The following IL1RAP variants were observed in gnomAD, a reference collection of about 807,000 sequenced individuals.
IL1RAP encodes interleukin 1 receptor accessory protein.
Under a neutral mutation model 60.7 loss-of-function variants are expected in IL1RAP, and 35 were observed. The observed-to-expected ratio is 0.58, with a 90% CI of 0.44 to 0.76. IL1RAP has a LOEUF of 0.76. IL1RAP is among the 30% of genes least tolerant of loss of function. The pLI, the probability that IL1RAP is intolerant of heterozygous loss-of-function variation, is 0.00. For synonymous variants in IL1RAP, 268 were observed against 250.9 expected, an observed-to-expected ratio of 1.07 and a Z score of -0.64; for missense variants, 572 against 693.9, an observed-to-expected ratio of 0.82 and a Z score of 1.97.
chr3:190,546,921 G>A (rs950373274), intron 1 of IL1RAP, among the ~76,000 whole-genome samples: 6 of 152,174 alleles, frequency 3.9e-5, no homozygotes, highest in African/African-American at 9.7e-5. Context: ...CCCCTTGAAA[G>A]CTTAGGATGT....
intron 3 of IL1RAP, among the ~76,000 whole-genome samples, chr3:190,598,480 A>G (rs374295699): frequency 2.6e-5 from 4 of 152,136 alleles, no homozygotes; most frequent in Non-Finnish European, 5.9e-5. Context: ...TGCCAACTGT[A>G]TTACCTAGTG....
rs989198999 is a variant in IL1RAP at position 190,649,358 on chromosome 3, A to C, written c.*653A>C. 1 of 985,468 alleles carries C rather than the reference A, an allele frequency of 1.0e-6. No homozygotes were observed. Among genetic ancestry groups the C allele is most frequent in the African/African-American group, 1.7e-5 (1 of 57,238 alleles). The allele number at this position is 985,468 out of a possible 1,614,324, so 61.0% of individuals were successfully genotyped here. Reference sequence around the variant, plus strand: ...TATGAAATCTATGTAAACTTGAAAAATATTTCTTAATTTTTGTTTTTGCTC... The same window carrying C: ...TATGAAATCTATGTAAACTTGAAAACTATTTCTTAATTTTTGTTTTTGCTC... On this transcript the variant is annotated 3_prime_UTR_variant, in exon 12 of 12. Transcript: ENST00000447382.
At chr3:190,538,822 G>A (rs1043611426) in intron 1 of IL1RAP, among the ~76,000 whole-genome samples, 7 of 152,014 alleles carry the variant, frequency 4.6e-5, no homozygotes, top group Non-Finnish European at 1.0e-4. Context: ...TAGCAAGTGA[G>A]TTCTCACGAG....
In IL1RAP at chr3:190,649,830, G is replaced by C; in HGVS notation, c.*1125G>C. 1 of 985,312 alleles carries C rather than the reference G, an allele frequency of 1.0e-6. No homozygotes were observed. Among genetic ancestry groups the C allele is most frequent in the Non-Finnish European group, 1.2e-6 (1 of 829,858 alleles). The allele number at this position is 985,312 out of a possible 1,614,324, so 61.0% of individuals were successfully genotyped here. A position where few individuals can be genotyped will look rare whatever the true frequency, so the allele number is the denominator to read the frequency against. On this transcript the variant is annotated 3_prime_UTR_variant, in exon 12 of 12. Coordinates refer to ENST00000447382, the MANE Select transcript of IL1RAP (RefSeq NM_002182.4). ...GTCAGTATGAGAAGTCACTGTCAATGAAAGTTGTTTTGTTTGTTTTCAGTA... is the reference window on the plus strand; with the variant it reads ...GTCAGTATGAGAAGTCACTGTCAATCAAAGTTGTTTTGTTTGTTTTCAGTA...
At chr3:190,656,612 T>C (rs1192260794) in exon 12 of IL1RAP, 29 of 1,470,944 alleles carry the variant, frequency 2.0e-5, no homozygotes, top group Non-Finnish European at 2.5e-5. Flanking sequence ...CTATAATTAC[T>C]GTGTGTGGTG....
At chr3:190,518,007 G>C (rs917318725) in intron 1 of IL1RAP, 1 of 151,394 alleles carries the variant, frequency 6.6e-6, no homozygotes, top group African/African-American at 2.4e-5. Flanking sequence ...AAACACCAAA[G>C]AATAGGAAGG....
intron 9 of IL1RAP, among the ~76,000 whole-genome samples, chr3:190,640,670 A>G (rs1044469002): frequency 6.6e-6 from 1 of 152,186 alleles, no homozygotes. Context: ...AATAAAGATG[A>G]CGGAAATCAC....
At chr3:190,646,904 T>C (rs984750505) in intron 11 of IL1RAP, among the ~76,000 whole-genome samples, 3 of 152,212 alleles carry the variant, frequency 2.0e-5, no homozygotes, top group African/African-American at 7.2e-5. Flanking sequence ...ATGACTTAAT[T>C]ATACAGTTAA....
chr3:190,612,567 A>G (rs536375823), intron 5 of IL1RAP, among the ~76,000 whole-genome samples: 46 of 152,190 alleles, frequency 3.0e-4, no homozygotes, highest in African/African-American at 1.1e-3. Flanking sequence ...CTGTTTCAAT[A>G]TTATTTTTCA....
chr3:190,624,324 C>T (rs1204387114), intron 7 of IL1RAP, among the ~76,000 whole-genome samples: 1 of 152,238 alleles, frequency 6.6e-6, no homozygotes, highest in East Asian at 1.9e-4. Context: ...CCAGGCTTGA[C>T]TGGCATTTGG....
rs570175540 is a variant in IL1RAP at position 190,562,096 on chromosome 3, C to T, written c.-1-2193C>T. 3.9e-5 allele frequency among the ~76,000 whole-genome samples: 6 copies of T among 152,254 alleles called. No individual in the cohort carries two copies. The South Asian group carries it at 1.2e-3, about 32-fold the overall frequency. ...TCTTCTGTAGTTCTTTTTCTAAAAC[C>T]TTGTGCTTGAGCAAAACTCAGTTCT... On this transcript the variant is annotated intron_variant, in intron 2 of 11. Coordinates refer to ENST00000447382, the MANE Select transcript of IL1RAP (RefSeq NM_002182.4).
downstream of IL1RAP, chr3:190,655,953 T>A: frequency 6.5e-7 from 1 of 1,537,350 alleles, no homozygotes; most frequent in South Asian, 1.2e-5. Flanking sequence ...TTCTGAGCCC[T>A]GACTATGTGA....
At position 190,629,444 on chromosome 3, in the gene IL1RAP, C is replaced by A; in HGVS notation, c.997C>A (p.His333Asn). The A allele has an allele frequency of 6.2e-7, 1 of 1,613,736 alleles. No individual in the cohort carries two copies. Among genetic ancestry groups the A allele is most frequent in the South Asian group, 1.1e-5 (1 of 91,016 alleles). ...SEDLKRSYVC[H>N]ARSAKGEVAK... ...GGATCTCAAGCGCAGCTATGTCTGT[C>A]ATGCTAGAAGTGCCAAAGGCGAAGT... Residue 333 changes from histidine to asparagine, a missense_variant, in exon 9 of 12, where the codon CAT becomes AAT. His to Asn is a moderately conservative substitution (Grantham distance 68, BLOSUM62 1). Coordinates refer to ENST00000447382, the MANE Select transcript of IL1RAP (RefSeq NM_002182.4).
At chr3:190,558,613 A>G (rs914479170) in intron 2 of IL1RAP, among the ~76,000 whole-genome samples, 6 of 152,116 alleles carry the variant, frequency 3.9e-5, no homozygotes, top group Non-Finnish European at 8.8e-5. Flanking sequence ...TATGACTTAA[A>G]CATTTTAAAA....
At chr3:190,579,013 C>T (rs1174338923) in intron 3 of IL1RAP, among the ~76,000 whole-genome samples, 3 of 152,212 alleles carry the variant, frequency 2.0e-5, no homozygotes, top group African/African-American at 7.2e-5. Context: ...ATATCAGATA[C>T]TTAGCCCTAA....
chr3:190,645,581 C>A (rs1577821292), intron 10 of IL1RAP, 118 bp from the exon 11 acceptor site: 9 of 764,668 alleles, frequency 1.2e-5, no homozygotes, highest in Non-Finnish European at 1.9e-5. Context: ...AGTAGAAAAT[C>A]GCACTGGAAT....
At position 190,525,358 on chromosome 3, in the gene IL1RAP, C is replaced by T. The variant is rs1189038843; in HGVS notation, c.-89+11139C>T. On this transcript the variant is annotated intron_variant, in intron 1 of 11. Coordinates refer to ENST00000447382, the MANE Select transcript of IL1RAP (RefSeq NM_002182.4). ...GAAGGACCCACGATAGGCCTGAGGT[C>T]GTCACTGAGGTGGTGGGCCAAGTAA... Among the ~76,000 whole-genome samples the T allele has an allele frequency of 2.0e-5, 3 of 152,232 alleles. No individual in the cohort carries two copies. The East Asian group carries it at 5.8e-4, about 29-fold the overall frequency.
intron 1 of IL1RAP, among the ~76,000 whole-genome samples, chr3:190,526,306 G>T (rs1488930435): frequency 6.6e-6 from 1 of 152,204 alleles, no homozygotes; most frequent in East Asian, 1.9e-4. Flanking sequence ...ATCAGTGGTA[G>T]TGTCAATATT....
In IL1RAP at chr3:190,634,707, G is replaced by GTTTTTTTTTTTTTTTT. The variant is rs1167445179; in HGVS notation, c.1051+5220_1051+5221insTTTTTTTTTTTTTTTT. 1.9e-4 allele frequency among the ~76,000 whole-genome samples: 25 copies of GTTTTTTTTTTTTTTTT among 134,696 alleles called. 3 individuals carry two copies. Among genetic ancestry groups the GTTTTTTTTTTTTTTTT allele is most frequent in the African/African-American group, 6.5e-4 (22 of 33,684 alleles). 88.4% of individuals were successfully genotyped at this position (134,696 alleles called of 152,430 possible). A position where few individuals can be genotyped will look rare whatever the true frequency, so the allele number is the denominator to read the frequency against. The stretch of plus-strand genomic sequence containing the variant: ...TCATATAACTATCTGGGCCTGTTGT[G>GTTTTTTTTTTTTTTTT]TTTTTTTTTTTGTTGTTGTTTTTTT... On this transcript the variant is annotated intron_variant, in intron 9 of 11. Transcript: ENST00000447382.
Sources: allele counts gnomAD v4.1 joint callset (sites outside exome capture counted in the v4.1 genomes callset), GRCh38; gene constraint gnomAD v4.1.1; transcripts MANE v1.5; gene names NCBI Gene and HGNC (gene_info 2026-07-23, HGNC 2026-07-21).